The following RALGAPA1 variants were observed in gnomAD, a reference collection of about 807,000 sequenced individuals.
RALGAPA1 encodes Ral GTPase activating protein catalytic subunit alpha 1.
In RALGAPA1, 52 loss-of-function variants were observed where a neutral mutation model predicts 269.6. The observed-to-expected ratio is 0.19, with a 90% CI of 0.15 to 0.24. The LOEUF (loss-of-function observed/expected upper bound fraction) is 0.24, where lower values mean the gene tolerates loss of function less well. Among genes scored for constraint, RALGAPA1 ranks in the 10% least tolerant of loss-of-function variants. The probability of loss-of-function intolerance (pLI) is 1.00; values close to 1 mark genes in which losing one functional copy is unlikely to be tolerated. For synonymous variants in RALGAPA1, 817 were observed against 1,008.3 expected, an observed-to-expected ratio of 0.81 and a Z score of 3.60; for missense variants, 1,917 against 3,013.9, an observed-to-expected ratio of 0.64 and a Z score of 8.52.
chr14:35,648,620 A>T (rs1434667259), intron 31 of RALGAPA1, among the ~76,000 whole-genome samples: 4 of 151,258 alleles, frequency 2.6e-5, no homozygotes, highest in Non-Finnish European at 5.9e-5. Flanking sequence ...TAGGCAACAT[A>T]GCAAAACCCC....
chr14:35,543,716 C>T (rs2054215833), intron 41 of RALGAPA1, among the ~76,000 whole-genome samples: 1 of 152,202 alleles, frequency 6.6e-6, no homozygotes, highest in Admixed American at 6.5e-5. Flanking sequence ...GATTTCAGCT[C>T]ACTGCAGCCT....
At chr14:35,663,074 T>C (rs987332985) in intron 27 of RALGAPA1, among the ~76,000 whole-genome samples, 2 of 152,084 alleles carry the variant, frequency 1.3e-5, no homozygotes, top group Non-Finnish European at 2.9e-5. Flanking sequence ...CCAGCTAATT[T>C]TTTATTTTTT....
intron 16 of RALGAPA1, among the ~76,000 whole-genome samples, chr14:35,705,949 T>C (rs1299482453): frequency 1.3e-5 from 2 of 152,234 alleles, no homozygotes; most frequent in Non-Finnish European, 2.9e-5. Flanking sequence ...TGTATCTTCT[T>C]TGGTGAGATG....
intron 10 of RALGAPA1, among the ~76,000 whole-genome samples, chr14:35,746,290 A>C (rs1347124222): frequency 6.6e-6 from 1 of 152,182 alleles, no homozygotes; most frequent in Non-Finnish European, 1.5e-5. Context: ...CAAAATGTAC[A>C]AAGGTTCAGT....
intron 10 of RALGAPA1, among the ~76,000 whole-genome samples, chr14:35,746,526 T>C (rs1360082623): frequency 1.3e-5 from 2 of 152,132 alleles, no homozygotes; most frequent in Non-Finnish European, 2.9e-5. Flanking sequence ...ACCTTAAATA[T>C]ATAGAATTTT....
At chr14:35,754,908 GAAAAC>G (rs200540374) in intron 7 of RALGAPA1, among the ~76,000 whole-genome samples, 1,673 of 152,132 alleles carry the variant, frequency 0.011, 17 homozygotes, top group Non-Finnish European at 0.014. Context: ...TAATCAAACA[GAAAAC>G]AAAGCAAGAC....
Position 35,627,205 on chromosome 14 carries a change from C to T in RALGAPA1, c.6742G>A (p.Asp2248Asn), listed in dbSNP as rs376171168. 1.0e-5 allele frequency: 16 copies of T among 1,599,928 alleles called. No individual in the cohort carries two copies. Among genetic ancestry groups the T allele is most frequent in the African/African-American group, 1.4e-5 (1 of 73,882 alleles). ...TGTTCCACAGCTTTCATGTTTAAGT[C>T]ATTAAAGTGCTTCTCAACAAATTCT... The part of the protein sequence containing the change: ...EKEFVEKHFN[D>N]LNMKAVEQDE... Residue 2248 changes from aspartate to asparagine, a missense_variant, in exon 34 of 42, where the codon GAC becomes AAC. Coordinates refer to ENST00000680220, the MANE Select transcript of RALGAPA1 (RefSeq NM_001346249.2).
At position 35,584,006 on chromosome 14, in the gene RALGAPA1, T is replaced by C. The variant is rs140120187; in HGVS notation, c.7210-11288A>G. ...AACATATGTGTCATAAACTTGGATC[T>C]ACATGATGAAAGGAAGAGTATGCAG... is the stretch of plus-strand genomic sequence containing the variant. On this transcript the variant is annotated intron_variant, in intron 37 of 41. Coordinates refer to ENST00000680220, the MANE Select transcript of RALGAPA1 (RefSeq NM_001346249.2). Among the ~76,000 whole-genome samples the C allele has an allele frequency of 5.8e-4, 89 of 152,270 alleles. No homozygotes were observed. The East Asian group carries it at 0.016, about 27-fold the overall frequency.
At chr14:35,795,249 C>T (rs190973201) in intron 1 of RALGAPA1, among the ~76,000 whole-genome samples, 28 of 152,180 alleles carry the variant, frequency 1.8e-4, no homozygotes, top group African/African-American at 6.5e-4. Flanking sequence ...CAGCAAACTC[C>T]ATGAATTAAG....
In RALGAPA1 at chr14:35,548,544, G is replaced by A; in HGVS notation, c.7622-6C>T. ...CAGAACTGATATTTAATGATCTAAA[G>A]AGGGAAAATAAATGAAACAATCATA... On this transcript the variant is annotated splice_polypyrimidine_tract_variant and splice_region_variant and intron_variant, in intron 40 of 41. Transcript: ENST00000680220. 2 of 1,564,406 alleles carry A rather than the reference G, an allele frequency of 1.3e-6. No individual in the cohort carries two copies. Among genetic ancestry groups the A allele is most frequent in the Non-Finnish European group, 1.7e-6 (2 of 1,146,294 alleles).
intron 16 of RALGAPA1, among the ~76,000 whole-genome samples, chr14:35,713,695 A>G (rs1376925134): frequency 6.6e-6 from 1 of 152,108 alleles, no homozygotes; most frequent in Non-Finnish European, 1.5e-5. Flanking sequence ...GTAATACTAG[A>G]GCATATGGAC....
intron 3 of RALGAPA1, among the ~76,000 whole-genome samples, chr14:35,771,441 T>C (rs1298951283): frequency 6.6e-6 from 1 of 151,988 alleles, no homozygotes; most frequent in Non-Finnish European, 1.5e-5. Context: ...AACTACAAAA[T>C]AGTCCCTGAG....
chr14:35,558,750 A>C (rs1423840547), intron 39 of RALGAPA1, among the ~76,000 whole-genome samples: 1 of 152,180 alleles, frequency 6.6e-6, no homozygotes, highest in Admixed American at 6.5e-5. Flanking sequence ...CAAGCTGTTC[A>C]GAGCAGTTTG....
At chr14:35,750,822 T>C in intron 8 of RALGAPA1, 132 bp from the exon 9 acceptor site, 1 of 771,018 alleles carries the variant, frequency 1.3e-6, no homozygotes, top group Non-Finnish European at 2.0e-6. Flanking sequence ...AGCACAGAAA[T>C]GACATTTCAA....
intron 35 of RALGAPA1, among the ~76,000 whole-genome samples, chr14:35,621,482 T>A (rs1022469222): frequency 5.9e-5 from 9 of 151,798 alleles, no homozygotes; most frequent in African/African-American, 1.9e-4. Flanking sequence ...AACACCAAAA[T>A]CAATGGCAAC....
At chr14:35,756,049 C>A (rs2073135544) in intron 7 of RALGAPA1, among the ~76,000 whole-genome samples, 1 of 152,184 alleles carries the variant, frequency 6.6e-6, no homozygotes, top group South Asian at 2.1e-4. Context: ...TATCCTGCAG[C>A]CTACCTCCCT....
At chr14:35,712,163 C>G (rs1157604669) in intron 16 of RALGAPA1, among the ~76,000 whole-genome samples, 1 of 148,586 alleles carries the variant, frequency 6.7e-6, no homozygotes, top group Non-Finnish European at 1.5e-5. Flanking sequence ...AGGAAAATTG[C>G]TTGAACCTGG....
intron 37 of RALGAPA1, among the ~76,000 whole-genome samples, chr14:35,592,024 C>T (rs767185329): frequency 9.2e-5 from 14 of 152,164 alleles, no homozygotes; most frequent in Admixed American, 2.6e-4. Flanking sequence ...GCCTCTCCAG[C>T]CTTGTGGAAC....
intron 39 of RALGAPA1, among the ~76,000 whole-genome samples, chr14:35,561,033 G>A (rs1481591127): frequency 6.6e-6 from 1 of 151,568 alleles, no homozygotes; most frequent in Non-Finnish European, 1.5e-5. Context: ...TTTGAGACCA[G>A]CCTGGCCAAC....
Sources: gnomAD v4.1 joint callset for allele counts (sites outside exome capture counted in the v4.1 genomes callset) on GRCh38, gnomAD v4.1.1 for gene constraint, MANE v1.5 for transcripts, NCBI Gene and HGNC (gene_info 2026-07-23, HGNC 2026-07-21) for gene names.